Variants in UNC13C observed in about 807,000 individuals in gnomAD.
The protein encoded by UNC13C is protein unc-13 homolog C.
In UNC13C, 174 loss-of-function variants were observed where a neutral mutation model predicts 245.4. The observed-to-expected ratio is 0.71, with a 90% CI of 0.63 to 0.80. The LOEUF (loss-of-function observed/expected upper bound fraction) is 0.80. Among genes scored for constraint, UNC13C ranks in the 30% least tolerant of loss-of-function variants. UNC13C has a pLI of 0.00. For synonymous variants in UNC13C, 992 were observed against 895.1 expected (o/e 1.11, Z -1.93); for missense variants, 2,829 against 2,602.9 (o/e 1.09, Z -1.89).
intron 8 of UNC13C, among the ~76,000 whole-genome samples, chr15:54,250,868 G>T (rs1274318658): frequency 8.3e-5 from 12 of 145,090 alleles, no homozygotes; most frequent in Non-Finnish European, 1.8e-4. Flanking sequence ...GCCATTCTCC[G>T]GCCTCAGCCT....
intron 19 of UNC13C, among the ~76,000 whole-genome samples, chr15:54,471,679 A>C (rs72736532): frequency 6.6e-6 from 1 of 151,426 alleles, no homozygotes; most frequent in African/African-American, 2.4e-5. Flanking sequence ...CATATGATCT[A>C]TCTTGGAAAA....
intron 2 of UNC13C, among the ~76,000 whole-genome samples, chr15:54,098,102 G>A (rs1899968323): frequency 6.6e-6 from 1 of 152,178 alleles, no homozygotes; most frequent in African/African-American, 2.4e-5. Context: ...GCCAGGACAG[G>A]CCATTCTGGG....
intron 17 of UNC13C, among the ~76,000 whole-genome samples, chr15:54,388,113 T>A (rs2039875950): frequency 6.6e-6 from 1 of 152,162 alleles, no homozygotes; most frequent in Non-Finnish European, 1.5e-5. Context: ...GAAACACAAA[T>A]ATCCTACTGA....
intron 17 of UNC13C, among the ~76,000 whole-genome samples, chr15:54,346,402 A>G (rs2038860867): frequency 6.6e-6 from 1 of 152,148 alleles, no homozygotes; most frequent in East Asian, 1.9e-4. Context: ...TAGCCTCTTC[A>G]TGTCTGGTTT....
intron 2 of UNC13C, among the ~76,000 whole-genome samples, chr15:54,131,584 T>C (rs1318385932): frequency 1.3e-5 from 2 of 152,324 alleles, no homozygotes; most frequent in East Asian, 1.9e-4. Context: ...TTCTTCAGCA[T>C]ATTCATGCTG....
intron 11 of UNC13C, among the ~76,000 whole-genome samples, chr15:54,296,383 A>AT (rs1216570900): frequency 1.1e-4 from 9 of 81,250 alleles, no homozygotes; most frequent in South Asian, 3.4e-4. Context: ...TTTTTTTTTT[A>AT]TTTTTTTTTA....
chr15:54,623,475 G>T (rs1165453333), intron 31 of UNC13C, among the ~76,000 whole-genome samples: 7 of 152,070 alleles, frequency 4.6e-5, no homozygotes, highest in Non-Finnish European at 1.0e-4. Flanking sequence ...TCTATTTCCT[G>T]ATGAGCATAT....
chr15:54,210,304 TTTCTATATTAGC>T (rs1172735501), intron 4 of UNC13C, among the ~76,000 whole-genome samples: 1 of 150,960 alleles, frequency 6.6e-6, no homozygotes, highest in Non-Finnish European at 1.5e-5. Flanking sequence ...TTTAGAGTTA[TTTCTATATTAGC>T]TCTCTAAATC....
rs185569906 is a variant in UNC13C at position 54,173,914 on chromosome 15, T to G, written c.3071+30230T>G. Among the ~76,000 whole-genome samples the G allele has an allele frequency of 4.0e-3, 607 of 152,260 alleles. 4 individuals carry two copies. Among genetic ancestry groups the G allele is most frequent in the Non-Finnish European group, 5.3e-3 (361 of 67,964 alleles). ...AGTTTTTTTTAATCATAAATGTGTG[T>G]TGAATTTGTCAAATGCCATTTATAT... On this transcript the variant is annotated intron_variant, in intron 4 of 32. Transcript: ENST00000260323.
chr15:53,943,155 A>G, the UNC13C span, among the ~76,000 whole-genome samples: 5 of 151,980 alleles, frequency 3.3e-5, no homozygotes, highest in Non-Finnish European at 5.9e-5. Context: ...TTAATAGCCA[A>G]TGGTCAAAAA....
the UNC13C span, among the ~76,000 whole-genome samples, chr15:53,922,688 C>T: frequency 3.7e-4 from 57 of 152,274 alleles, no homozygotes; most frequent in Admixed American, 3.1e-3. Flanking sequence ...GAGGACGTCG[C>T]TAACCATAAA....
chr15:54,471,026 T>G (rs1892434939), intron 19 of UNC13C, among the ~76,000 whole-genome samples: 1 of 151,488 alleles, frequency 6.6e-6, no homozygotes, highest in Admixed American at 6.6e-5. Flanking sequence ...ACATAATTTT[T>G]CCTGTTATTG....
chr15:53,897,347 TA>T, the UNC13C span, among the ~76,000 whole-genome samples: 59 of 152,198 alleles, frequency 3.9e-4, no homozygotes, highest in Non-Finnish European at 6.6e-4. Flanking sequence ...ACCTCCTGAT[TA>T]CCAGCTCAGT....
intron 4 of UNC13C, among the ~76,000 whole-genome samples, chr15:54,164,760 G>T (rs780800413): frequency 6.6e-6 from 1 of 152,134 alleles, no homozygotes; most frequent in Non-Finnish European, 1.5e-5. Context: ...CATCTGGTTG[G>T]CACTGAAGGA....
intron 7 of UNC13C, among the ~76,000 whole-genome samples, chr15:54,240,319 G>T (rs181213600): frequency 6.6e-6 from 1 of 152,086 alleles, no homozygotes; most frequent in South Asian, 2.1e-4. Flanking sequence ...ACGAGCTGTC[G>T]CATTCAGTCA....
At chr15:53,899,689 C>T in the UNC13C span, among the ~76,000 whole-genome samples, 3 of 152,122 alleles carry the variant, frequency 2.0e-5, no homozygotes, top group East Asian at 3.9e-4. Context: ...CTCAGCCTCC[C>T]GAGTGGCTGC....
intron 26 of UNC13C, among the ~76,000 whole-genome samples, chr15:54,538,388 C>T (rs1596535322): frequency 6.6e-6 from 1 of 152,068 alleles, no homozygotes; most frequent in East Asian, 1.9e-4. Flanking sequence ...TGCTTATACA[C>T]TGCTGGTAGG....
chr15:54,023,831 T>C (rs6493661), intron 2 of UNC13C, among the ~76,000 whole-genome samples: 67,324 of 152,080 alleles, frequency 0.44, 15,568 homozygotes, highest in East Asian at 0.52. Flanking sequence ...TGTTGCAAAG[T>C]GTACAATGCA....
intron 4 of UNC13C, among the ~76,000 whole-genome samples, chr15:54,190,269 A>T (rs934837544): frequency 6.6e-6 from 1 of 151,726 alleles, no homozygotes; most frequent in African/African-American, 2.4e-5. Flanking sequence ...TTCTTTTTTT[A>T]TTTTTTTTGC....
Sources: allele counts gnomAD v4.1 joint callset (sites outside exome capture counted in the v4.1 genomes callset), GRCh38; gene constraint gnomAD v4.1.1; transcripts MANE v1.5; gene names NCBI Gene and HGNC (gene_info 2026-07-23, HGNC 2026-07-21).